LRP1B: variants seen among roughly 807,000 people sequenced by gnomAD.
LRP1B encodes low-density lipoprotein receptor-related protein 1B.
In LRP1B, 217 loss-of-function variants were observed where a neutral mutation model predicts 556.6. The observed-to-expected ratio is 0.39, with a 90% CI of 0.35 to 0.44. LRP1B has a LOEUF of 0.44. Among genes scored for constraint, LRP1B ranks in the 20% least tolerant of loss-of-function variants. The pLI is 1.00. For synonymous variants in LRP1B, 2,047 were observed against 1,865.8 expected, an observed-to-expected ratio of 1.10 and a Z score of -2.50; for missense variants, 5,053 against 5,620.8, an observed-to-expected ratio of 0.90 and a Z score of 3.23.
intron 41 of LRP1B, among the ~76,000 whole-genome samples, chr2:140,650,801 A>G (rs1684655813): frequency 6.6e-6 from 1 of 152,198 alleles, no homozygotes; most frequent in Non-Finnish European, 1.5e-5. Context: ...AAATTCTAGT[A>G]ATATTGGAAA....
intron 11 of LRP1B, among the ~76,000 whole-genome samples, chr2:141,029,803 C>T (rs1176079581): frequency 2.6e-5 from 4 of 152,104 alleles, no homozygotes; most frequent in Admixed American, 2.0e-4. Context: ...CCCCACCATC[C>T]TTTATGATAG....
At chr2:140,476,500 T>G (rs749466952) in intron 59 of LRP1B, among the ~76,000 whole-genome samples, 1 of 152,028 alleles carries the variant, frequency 6.6e-6, no homozygotes, top group Non-Finnish European at 1.5e-5. Context: ...GACATAATTA[T>G]GTTCAGATAT....
chr2:140,446,907 A>G (rs1486102755), intron 63 of LRP1B, among the ~76,000 whole-genome samples: 1 of 152,118 alleles, frequency 6.6e-6, no homozygotes, highest in Non-Finnish European at 1.5e-5. Flanking sequence ...GGAAGAAAAT[A>G]TTTGCAAACA....
At chr2:142,127,884 CCTTTT>C (rs1170862040) in intron 1 of LRP1B, among the ~76,000 whole-genome samples, 1 of 151,978 alleles carries the variant, frequency 6.6e-6, no homozygotes, top group African/African-American at 2.4e-5. Context: ...AGATATACTT[CCTTTT>C]AAGTTTTAAT....
chr2:140,958,899 A>G (rs560769192), intron 18 of LRP1B, among the ~76,000 whole-genome samples: 14 of 151,646 alleles, frequency 9.2e-5, no homozygotes, highest in Non-Finnish European at 1.8e-4. Flanking sequence ...GTGAACGTAT[A>G]TATGAGGGTT....
At chr2:140,951,649 A>G (rs1435983284) in intron 19 of LRP1B, among the ~76,000 whole-genome samples, 1 of 152,204 alleles carries the variant, frequency 6.6e-6, no homozygotes, top group Non-Finnish European at 1.5e-5. Context: ...ACAAATCTCT[A>G]TCACACACCC....
intron 66 of LRP1B, among the ~76,000 whole-genome samples, chr2:140,406,286 A>G (rs1255123267): frequency 6.6e-6 from 1 of 152,100 alleles, no homozygotes; most frequent in Non-Finnish European, 1.5e-5. Flanking sequence ...CTGGAACAAG[A>G]TAAGGATGTT....
intron 1 of LRP1B, among the ~76,000 whole-genome samples, chr2:142,027,673 AAC>A (rs3041444): frequency 0.049 from 7,201 of 146,708 alleles, 219 homozygotes; most frequent in African/African-American, 0.077. Flanking sequence ...AAAAGATTAA[AAC>A]ACACACACAC....
intron 7 of LRP1B, among the ~76,000 whole-genome samples, chr2:141,070,466 C>T (rs1246617018): frequency 6.6e-6 from 1 of 151,758 alleles, no homozygotes; most frequent in Non-Finnish European, 1.5e-5. Flanking sequence ...AGAGCAAACA[C>T]ATTCAAAAGC....
intron 2 of LRP1B, among the ~76,000 whole-genome samples, chr2:141,778,456 C>T (rs1695145569): frequency 6.6e-6 from 1 of 152,186 alleles, no homozygotes. Flanking sequence ...TGCTCTCTCA[C>T]TAAACTGCCT....
intron 3 of LRP1B, among the ~76,000 whole-genome samples, chr2:141,324,653 A>C (rs1687371209): frequency 6.6e-6 from 1 of 152,114 alleles, no homozygotes; most frequent in African/African-American, 2.4e-5. Flanking sequence ...CTGTCTAATA[A>C]ATGCTACTAA....
intron 86 of LRP1B, among the ~76,000 whole-genome samples, chr2:140,264,708 G>A (rs1053819243): frequency 9.1e-4 from 9 of 9,874 alleles, no homozygotes; most frequent in South Asian, 2.9e-3. Flanking sequence ...ATATATGTGT[G>A]TGTGTGTGTG....
chr2:141,814,806 A>G (rs981231052), intron 1 of LRP1B, among the ~76,000 whole-genome samples: 1 of 152,202 alleles, frequency 6.6e-6, no homozygotes, highest in African/African-American at 2.4e-5. Flanking sequence ...AAGTTAGTGA[A>G]AAACTATAGG....
At chr2:140,578,262 G>GT (rs66723917) in intron 43 of LRP1B, among the ~76,000 whole-genome samples, 146 of 150,474 alleles carry the variant, frequency 9.7e-4, no homozygotes, top group Non-Finnish European at 1.3e-3. Context: ...AACACTTACA[G>GT]TTTTTTTTTT....
intron 7 of LRP1B, among the ~76,000 whole-genome samples, chr2:141,123,446 G>T (rs1050913893): frequency 2.2e-4 from 34 of 151,630 alleles, no homozygotes; most frequent in Non-Finnish European, 3.5e-4. Flanking sequence ...TATTAATCTG[G>T]TATCTGGTTA....
chr2:141,558,577 T>A (rs1686041814), intron 2 of LRP1B, among the ~76,000 whole-genome samples: 1 of 151,828 alleles, frequency 6.6e-6, no homozygotes, highest in African/African-American at 2.4e-5. Context: ...ATATACAGTT[T>A]AAATTAACCT....
intron 2 of LRP1B, among the ~76,000 whole-genome samples, chr2:141,513,728 AAAAATAAAAT>A (rs57494681): frequency 1.3e-5 from 2 of 150,786 alleles, no homozygotes; most frequent in Non-Finnish European, 3.0e-5. Context: ...TCTTGTGCTT[AAAAATAAAAT>A]AAAATAAAAT....
At chr2:141,715,601 G>A (rs1416812403) in intron 2 of LRP1B, among the ~76,000 whole-genome samples, 1 of 152,066 alleles carries the variant, frequency 6.6e-6, no homozygotes, top group African/African-American at 2.4e-5. Flanking sequence ...GATCACCTGA[G>A]GCCAGGAGTT....
intron 1 of LRP1B, among the ~76,000 whole-genome samples, chr2:141,868,339 G>T (rs1698480029): frequency 6.6e-6 from 1 of 151,918 alleles, no homozygotes; most frequent in South Asian, 2.1e-4. Flanking sequence ...TGTGACTTTT[G>T]ATTTACATTT....
Sources: allele counts gnomAD v4.1 joint callset (sites outside exome capture counted in the v4.1 genomes callset), GRCh38; gene constraint gnomAD v4.1.1; transcripts MANE v1.5; gene names NCBI Gene and HGNC (gene_info 2026-07-23, HGNC 2026-07-21).